The following TGM3 variants were observed in gnomAD, a reference collection of about 807,000 sequenced individuals.
TGM3 encodes protein-glutamine gamma-glutamyltransferase E.
In TGM3, 52 loss-of-function variants were observed where a neutral mutation model predicts 73.8. That is an observed-to-expected ratio of 0.70 (90% CI 0.56 to 0.89). TGM3 has a LOEUF of 0.89. Ranked by LOEUF, TGM3 falls within the 40% of genes least tolerant of loss-of-function variation. The pLI, the probability that TGM3 is intolerant of heterozygous loss-of-function variation, is 0.00. For synonymous variants in TGM3, 372 were observed against 354.9 expected (o/e 1.05, Z -0.54); for missense variants, 928 against 909.9 (o/e 1.02, Z -0.26).
At chr20:2,320,755 G>A (rs1200350008) in intron 7 of TGM3, among the ~76,000 whole-genome samples, 2 of 152,126 alleles carry the variant, frequency 1.3e-5, no homozygotes, top group Admixed American at 6.5e-5. Context: ...CCTCCTTCGG[G>A]TCCACTGCAA....
intron 11 of TGM3, among the ~76,000 whole-genome samples, chr20:2,339,001 C>T (rs1211390976): frequency 1.3e-5 from 2 of 152,238 alleles, no homozygotes; most frequent in Admixed American, 1.3e-4. Flanking sequence ...TTTTCTGACC[C>T]CAAACCCAGC....
chr20:2,305,339 A>C (rs1008243250), intron 1 of TGM3, among the ~76,000 whole-genome samples: 2 of 152,130 alleles, frequency 1.3e-5, no homozygotes, highest in Non-Finnish European at 1.5e-5. Flanking sequence ...AGCATACAAG[A>C]AGTCACTCAT....
intron 7 of TGM3, among the ~76,000 whole-genome samples, chr20:2,319,545 T>C (rs2122231011): frequency 6.6e-6 from 1 of 152,294 alleles, no homozygotes; most frequent in African/African-American, 2.4e-5. Context: ...TGGTTAGTGA[T>C]TCACACTGCC....
In TGM3 at chr20:2,297,282, A is replaced by G. The variant is rs557976637; in HGVS notation, c.7+1212A>G. Among the ~76,000 whole-genome samples the G allele has an allele frequency of 2.0e-5, 3 of 152,336 alleles. No individual in the cohort carries two copies. The East Asian group carries it at 5.8e-4, about 29-fold the overall frequency. On this transcript the variant is annotated intron_variant, in intron 1 of 12. Transcript: ENST00000381458. ...CAGAGCTGAGCTCCTACATAAGTGC[A>G]CATAACATCTGGAACATAAAAAAGC...
rs536100493 is a variant in TGM3 at position 2,335,287 on chromosome 20, C to T, written c.1800+14C>T. On this transcript the variant is annotated intron_variant, in intron 11 of 12. Transcript: ENST00000381458. ...TTGACCCTGGAGGTAATGGGGCTCC[C>T]CATCCTGTGGGAAGGGGTTCTGCCC... is the stretch of plus-strand genomic sequence containing the variant. 9.9e-6 allele frequency: 16 copies of T among 1,613,492 alleles called. No homozygotes were observed. The highest frequency in any genetic ancestry group is 6.7e-5 in the Admixed American group (4 of 60,006).
At chr20:2,313,390 G>A (rs1029793117) in intron 5 of TGM3, among the ~76,000 whole-genome samples, 7 of 152,226 alleles carry the variant, frequency 4.6e-5, no homozygotes, top group Non-Finnish European at 8.8e-5. Context: ...GGCCTCCTGG[G>A]AAAGGAAGCG....
intron 1 of TGM3, among the ~76,000 whole-genome samples, chr20:2,305,287 T>G (rs2084171103): frequency 6.6e-6 from 1 of 152,136 alleles, no homozygotes; most frequent in Admixed American, 6.5e-5. Context: ...CCAGCTCCCA[T>G]CCTGAGGCTA....
chr20:2,310,504 G>C, intron 3 of TGM3, 87 bp downstream of exon 3: 1 of 1,553,762 alleles, frequency 6.4e-7, no homozygotes, highest in Non-Finnish European at 8.7e-7. Flanking sequence ...ACAGGCTCAA[G>C]TTTGATTAGG....
chr20:2,312,396 C>T (rs1341364261), intron 4 of TGM3, among the ~76,000 whole-genome samples: 1 of 60,478 alleles, frequency 1.7e-5, no homozygotes, highest in African/African-American at 5.9e-5. Context: ...GACTCCGTCT[C>T]AAAAAAAAAA....
In TGM3 at chr20:2,317,143, A is replaced by T. The variant is rs2084238491; in HGVS notation, c.745A>T (p.Ser249Cys). 2 of 1,614,016 alleles carry T rather than the reference A, an allele frequency of 1.2e-6. No individual in the cohort carries two copies. Among genetic ancestry groups the T allele is most frequent in the East Asian group, 4.5e-5 (2 of 44,876 alleles). The change falls in exon 6 of 13, where the codon AGC becomes TGC. Residue 249 changes from serine (S) to cysteine (C), a missense_variant. Ser to Cys is a moderately radical substitution (Grantham distance 112). Coordinates refer to ENST00000381458, the MANE Select transcript of TGM3 (RefSeq NM_003245.4). ...TTACACCGGTGGCCGGGACCCAAGGAGCTGGAACGGCAGCGTGGAGATCCT... is the reference window on the plus strand; with the variant it reads ...TTACACCGGTGGCCGGGACCCAAGGTGCTGGAACGGCAGCGTGGAGATCCT... ...GTYTGGRDPR[S>C]WNGSVEILKN...
chr20:2,307,480 A>G (rs752180955), intron 1 of TGM3, among the ~76,000 whole-genome samples: 9 of 152,154 alleles, frequency 5.9e-5, no homozygotes, highest in Non-Finnish European at 7.3e-5. Flanking sequence ...AGGCAGCTCT[A>G]TGGGCACCCG....
chr20:2,340,515 C>T lies in TGM3; in HGVS notation c.2016C>T (p.Leu672=), dbSNP rs568453082. ...LPSRSGTKQL[L]ADFSCNKFPA... ...CCCGGAGTGGCACCAAGCAACTGCTCGCCGACTTCTCCTGCAACAAGTTCC... is the reference window on the plus strand; with the variant it reads ...CCCGGAGTGGCACCAAGCAACTGCTTGCCGACTTCTCCTGCAACAAGTTCC... The change falls in exon 13 of 13, where the codon CTC becomes CTT. Residue 672 remains leucine, a synonymous_variant. Transcript: ENST00000381458. 19 of 1,614,082 alleles carry T rather than the reference C, an allele frequency of 1.2e-5. No homozygotes were observed. The highest frequency in any genetic ancestry group is 4.5e-5 in the East Asian group (2 of 44,892).
At chr20:2,326,092 A>T in intron 8 of TGM3, 140 bp downstream of exon 8, 1 of 837,360 alleles carries the variant, frequency 1.2e-6, no homozygotes, top group South Asian at 1.7e-5. Context: ...TTAAAAATAG[A>T]TCTCCCCTGC....
intron 1 of TGM3, among the ~76,000 whole-genome samples, chr20:2,301,151 G>A (rs946722749): frequency 4.0e-5 from 6 of 151,796 alleles, no homozygotes; most frequent in Non-Finnish European, 8.8e-5. Context: ...TGATATGTGG[G>A]GGAAGTTAAA....
chr20:2,335,059 A>T (rs1048808334), intron 10 of TGM3, 57 bp from the exon 11 acceptor site: 26 of 1,598,076 alleles, frequency 1.6e-5, no homozygotes, highest in Non-Finnish European at 2.1e-5. Context: ...GTTCTGAGGA[A>T]GGTTCAGAAG....
chr20:2,327,435 C>T (rs897853955), intron 8 of TGM3, among the ~76,000 whole-genome samples: 2 of 152,112 alleles, frequency 1.3e-5, no homozygotes, highest in African/African-American at 4.8e-5. Context: ...CGAGATTGCA[C>T]CACTGCACTC....
At chr20:2,322,211 C>T (rs774975212) in intron 7 of TGM3, among the ~76,000 whole-genome samples, 2 of 152,124 alleles carry the variant, frequency 1.3e-5, no homozygotes, top group African/African-American at 4.8e-5. Context: ...ATTCAAAATA[C>T]ATACAGAAAT....
chr20:2,307,478 C>T (rs764845701), intron 1 of TGM3, among the ~76,000 whole-genome samples: 2 of 152,200 alleles, frequency 1.3e-5, no homozygotes, highest in Non-Finnish European at 2.9e-5. Flanking sequence ...GCAGGCAGCT[C>T]TATGGGCACC....
In TGM3 at chr20:2,328,416, G is replaced by C; in HGVS notation, c.1333+51G>C. 6.2e-7 allele frequency: 1 copy of C among 1,605,222 alleles called. No homozygotes were observed. The highest frequency in any genetic ancestry group is 8.5e-7 in the Non-Finnish European group (1 of 1,174,652). On this transcript the variant is annotated intron_variant, in intron 9 of 12. Transcript: ENST00000381458. This position sits in a 1 kb window ranked among gnomAD's most constrained non-coding sequence, Gnocchi z 5.2. ...GCCGCGAGAGGTTCTATTGTGGGAG[G>C]ATGGCTCTGAGGCTGGAGAGGAGAA...
Sources: allele counts gnomAD v4.1 joint callset (sites outside exome capture counted in the v4.1 genomes callset), GRCh38; gene constraint gnomAD v4.1.1; non-coding constraint Gnocchi (gnomAD v3.1); transcripts MANE v1.5; gene names NCBI Gene and HGNC (gene_info 2026-07-23, HGNC 2026-07-21).